The following LRRC36 variants were observed in gnomAD, a reference collection of about 807,000 sequenced individuals.
LRRC36 encodes the protein leucine rich repeat containing 36.
LRRC36 carries 62 observed loss-of-function variants against 81.1 expected under a neutral mutation model. That is an observed-to-expected ratio of 0.76 (90% confidence interval 0.62 to 0.94). LRRC36 has a LOEUF of 0.94. LRRC36 is among the 40% of genes least tolerant of loss of function. The probability of loss-of-function intolerance (pLI) is 0.00; values close to 1 mark genes in which losing one functional copy is unlikely to be tolerated. For missense variants in LRRC36, 761 were observed against 881.7 expected, an observed-to-expected ratio of 0.86 and a Z score of 1.73; for synonymous variants, 334 against 348.6, an observed-to-expected ratio of 0.96 and a Z score of 0.47.
intron 5 of LRRC36, among the ~76,000 whole-genome samples, chr16:67,360,117 ACT>A (rs1282195230): frequency 6.7e-6 from 1 of 148,152 alleles, no homozygotes; most frequent in African/African-American, 2.5e-5. Context: ...ACAGAGCAAG[ACT>A]CTGTCTCAAA....
At chr16:67,365,388 C>G in intron 7 of LRRC36, 33 bp downstream of exon 7, 2 of 1,585,154 alleles carry the variant, frequency 1.3e-6, no homozygotes, top group South Asian at 1.1e-5. Flanking sequence ...ATTTTTCCCC[C>G]ACACTAATCA....
In LRRC36 at chr16:67,346,310, C is replaced by A; in HGVS notation, c.253C>A (p.Pro85Thr). 6.2e-7 allele frequency: 1 copy of A among 1,611,684 alleles called. No homozygotes were observed. The highest frequency in any genetic ancestry group is 8.5e-7 in the Non-Finnish European group (1 of 1,178,280). Residue 85 changes from proline to threonine, a missense_variant, in exon 3 of 14, where the codon CCT becomes ACT. By Grantham distance (38) the Pro-to-Thr change is conservative. Transcript: ENST00000329956. ...QDLNLYYNNI[P>T]SLVEVSRLQP... Reference sequence around the variant, plus strand: ...CCTGAATTTATATTATAACAACATTCCTTCATTAGTGGAAGTGTCCCGTCT... The same window carrying A: ...CCTGAATTTATATTATAACAACATTACTTCATTAGTGGAAGTGTCCCGTCT...
rs1313571303 is a variant in LRRC36, at chr16:67,326,844, A to C, written c.-19A>C. 2 of 1,423,092 alleles carry C rather than the reference A, an allele frequency of 1.4e-6. No homozygotes were observed. The highest frequency in any genetic ancestry group is 9.1e-7 in the Non-Finnish European group (1 of 1,097,278). 88.2% of individuals were successfully genotyped at this position (1,423,092 alleles called of 1,614,324 possible). A position where few individuals can be genotyped will look rare whatever the true frequency, so the allele number is the denominator to read the frequency against. On this transcript the variant is annotated 5_prime_UTR_variant, in exon 1 of 14. Coordinates refer to ENST00000329956, the MANE Select transcript of LRRC36 (RefSeq NM_018296.6). ...GCCGGGTGGTCTCGCGGGCGGTGGC[A>C]GGTGAGCGGCGGGCGGGGATGGCGG... is the stretch of plus-strand genomic sequence containing the variant.
At chr16:67,348,994 T>G (rs554916014) in intron 4 of LRRC36, among the ~76,000 whole-genome samples, 2 of 152,312 alleles carry the variant, frequency 1.3e-5, no homozygotes, top group East Asian at 3.9e-4. Flanking sequence ...TTCCTATTTT[T>G]TAAAATCAGA....
intron 7 of LRRC36, 84 bp downstream of exon 7, chr16:67,365,439 C>A: frequency 8.4e-7 from 1 of 1,197,154 alleles, no homozygotes; most frequent in South Asian, 1.3e-5. Flanking sequence ...ATGAAGATGT[C>A]TCAATATGGG....
intron 1 of LRRC36, among the ~76,000 whole-genome samples, chr16:67,331,069 AAGAGAGAGAGAGAGAGAGAGAG>A (rs71145966): frequency 1.7e-5 from 2 of 118,536 alleles, no homozygotes; most frequent in Non-Finnish European, 3.3e-5. Flanking sequence ...GTGAGAGAGA[AAGAGAGAGAGAGAGAGAGAGAG>A]AGAGAGAGAG....
intron 9 of LRRC36, among the ~76,000 whole-genome samples, chr16:67,374,659 G>A (rs1039812423): frequency 1.3e-5 from 2 of 151,904 alleles, no homozygotes; most frequent in African/African-American, 4.8e-5. Context: ...GCCTCCCAAA[G>A]TGCTGGGATT....
At chr16:67,339,412 T>C (rs2037924182) in intron 1 of LRRC36, among the ~76,000 whole-genome samples, 1 of 152,180 alleles carries the variant, frequency 6.6e-6, no homozygotes, top group Non-Finnish European at 1.5e-5. Context: ...TGCTATGATG[T>C]TTTTAAACTT....
chr16:67,384,468 A>G (rs17686630), intron 13 of LRRC36, among the ~76,000 whole-genome samples: 4,976 of 152,246 alleles, frequency 0.033, 137 homozygotes, highest in South Asian at 0.069. Flanking sequence ...ACAGAGTTCA[A>G]TGCAGCCATG....
chr16:67,337,723 C>T (rs976443835), intron 1 of LRRC36, among the ~76,000 whole-genome samples: 3 of 152,022 alleles, frequency 2.0e-5, no homozygotes, highest in Admixed American at 2.0e-4. Context: ...TTCTAATCAT[C>T]TTTCTGAATT....
Position 67,363,714 on chromosome 16 carries a change from G to C in LRRC36, c.702G>C (p.Gln234His). 6.2e-7 allele frequency: 1 copy of C among 1,613,648 alleles called. No individual in the cohort carries two copies. The highest frequency in any genetic ancestry group is 8.5e-7 in the Non-Finnish European group (1 of 1,179,696). ...TAGACACCTTCCCACTGGGGACACA[G>C]GTAATGTATTCACTCTCCTGCTGAT... ...QKLDTFPLGT[Q>H]TQEVARREMP... The change falls in exon 6 of 14, where the codon CAG (glutamine) becomes CAC (histidine). Residue 234 changes from glutamine (Q) to histidine (H), a missense_variant and splice_region_variant. Coordinates refer to ENST00000329956, the MANE Select transcript of LRRC36 (RefSeq NM_018296.6).
chr16:67,374,464 G>C (rs963071425), intron 9 of LRRC36, among the ~76,000 whole-genome samples: 1 of 151,874 alleles, frequency 6.6e-6, no homozygotes, highest in African/African-American at 2.4e-5. Context: ...GCACGATCTC[G>C]GCTCACTGCA....
intron 5 of LRRC36, among the ~76,000 whole-genome samples, chr16:67,352,040 T>G (rs1418619868): frequency 6.6e-6 from 1 of 152,212 alleles, no homozygotes; most frequent in Admixed American, 6.5e-5. Flanking sequence ...TTTGACAACC[T>G]GTTTTTGTAT....
At chr16:67,378,381 G>C (rs1465780276) in intron 11 of LRRC36, among the ~76,000 whole-genome samples, 1 of 151,204 alleles carries the variant, frequency 6.6e-6, no homozygotes, top group African/African-American at 2.4e-5. Flanking sequence ...CTGGGGTTAC[G>C]GGTGCACACC....
At chr16:67,361,419 A>AT (rs574160240) in intron 5 of LRRC36, among the ~76,000 whole-genome samples, 1 of 152,172 alleles carries the variant, frequency 6.6e-6, no homozygotes, top group Non-Finnish European at 1.5e-5. Flanking sequence ...TTTACTTTTT[A>AT]TTTTTAAAAT....
intron 1 of LRRC36, among the ~76,000 whole-genome samples, chr16:67,333,894 A>G (rs1274229115): frequency 6.6e-6 from 1 of 151,836 alleles, no homozygotes; most frequent in Non-Finnish European, 1.5e-5. Flanking sequence ...CATTATTGTG[A>G]TATATTACAA....
chr16:67,369,871 A>T (rs1015105331), intron 8 of LRRC36, among the ~76,000 whole-genome samples: 3 of 152,162 alleles, frequency 2.0e-5, no homozygotes, highest in Non-Finnish European at 4.4e-5. Context: ...TGTGGGAATT[A>T]TGGGAGCTAC....
At chr16:67,337,377 T>G (rs2037812279) in intron 1 of LRRC36, among the ~76,000 whole-genome samples, 1 of 151,236 alleles carries the variant, frequency 6.6e-6, no homozygotes. Context: ...TTTCTTTTTT[T>G]TTTTTTTGAG....
intron 13 of LRRC36, among the ~76,000 whole-genome samples, chr16:67,382,761 A>T (rs2040159743): frequency 6.6e-6 from 1 of 152,184 alleles, no homozygotes; most frequent in African/African-American, 2.4e-5. Context: ...AGGCAGGTGG[A>T]TCACGAGGTC....
Sources: gnomAD v4.1 joint callset for allele counts (sites outside exome capture counted in the v4.1 genomes callset) on GRCh38, gnomAD v4.1.1 for gene constraint, MANE v1.5 for transcripts, NCBI Gene and HGNC (gene_info 2026-07-23, HGNC 2026-07-21) for gene names.